The following IRAG2 variants were observed in gnomAD, a reference collection of about 807,000 sequenced individuals.
The protein encoded by IRAG2 is inositol 1,4,5-triphosphate receptor associated 2.
IRAG2 carries 45 observed loss-of-function variants against 69.9 expected under a neutral mutation model. That is an observed-to-expected ratio of 0.64 (90% CI 0.51 to 0.83). IRAG2 has a LOEUF of 0.83. Among genes scored for constraint, IRAG2 ranks in the 40% least tolerant of loss-of-function variants. The probability of loss-of-function intolerance (pLI) is 0.00; values close to 1 mark genes in which losing one functional copy is unlikely to be tolerated. For missense variants in IRAG2, 520 were observed against 587.0 expected (o/e 0.89, Z 1.18); for synonymous variants, 193 against 202.4 (o/e 0.95, Z 0.40).
chr12:24,998,564 C>T, the IRAG2 span, among the ~76,000 whole-genome samples: 1 of 152,130 alleles, frequency 6.6e-6, no homozygotes, highest in South Asian at 2.1e-4. Flanking sequence ...AGATGGGTTT[C>T]CTGGGAATGT....
At chr12:25,033,622 C>A (rs1944684964) in intron 12 of IRAG2, 2 of 349,068 alleles carry the variant, frequency 5.7e-6, no homozygotes, top group African/African-American at 4.2e-5. Context: ...GGTACCAATT[C>A]TTTTAAAAAC....
intron 2 of IRAG2, among the ~76,000 whole-genome samples, chr12:25,006,803 C>G (rs1944436504): frequency 6.6e-6 from 1 of 152,062 alleles, no homozygotes; most frequent in Non-Finnish European, 1.5e-5. Flanking sequence ...TACACTAAAC[C>G]TCAGCAACAC....
chr12:25,047,957 A>G (rs1944811064), upstream of IRAG2, among the ~76,000 whole-genome samples: 1 of 152,200 alleles, frequency 6.6e-6, no homozygotes, highest in Non-Finnish European at 1.5e-5. Flanking sequence ...AATGATTTAT[A>G]TTCCTTGGGT....
chr12:25,003,562 A>C (rs923615923), upstream of IRAG2, among the ~76,000 whole-genome samples: 1 of 152,114 alleles, frequency 6.6e-6, no homozygotes, highest in African/African-American at 2.4e-5. Flanking sequence ...TGTATTTCCA[A>C]ATTTCTGAAT....
intron 14 of IRAG2, among the ~76,000 whole-genome samples, chr12:25,096,187 A>G (rs1343140354): frequency 6.6e-6 from 1 of 152,204 alleles, no homozygotes; most frequent in African/African-American, 2.4e-5. Context: ...ATTATGATGC[A>G]ATTTACAGTC....
exon 11 of IRAG2, chr12:25,032,189 A>G: frequency 2.5e-6 from 1 of 399,032 alleles, no homozygotes; most frequent in Non-Finnish European, 4.4e-6. Flanking sequence ...TAGAATATGG[A>G]AGCATTATAG....
At chr12:25,074,394 C>T (rs1946534346) in intron 6 of IRAG2, among the ~76,000 whole-genome samples, 1 of 152,074 alleles carries the variant, frequency 6.6e-6, no homozygotes, top group African/African-American at 2.4e-5. Context: ...CAAATATATC[C>T]CCATGTTCTT....
intron 10 of IRAG2, among the ~76,000 whole-genome samples, chr12:25,085,349 G>C (rs1269011218): frequency 1.4e-5 from 2 of 143,066 alleles, no homozygotes; most frequent in African/African-American, 5.1e-5. Flanking sequence ...AGGTGGTATG[G>C]AATGGGAAGG....
In IRAG2 at chr12:25,042,305, T is replaced by C. The variant is rs141140453; in HGVS notation, c.2144+4168T>C. Among the ~76,000 whole-genome samples the C allele has an allele frequency of 1.1e-3, 161 of 152,266 alleles. 1 individual carries two copies. Among genetic ancestry groups the C allele is most frequent in the African/African-American group, 3.7e-3 (155 of 41,550 alleles). On this transcript the variant is annotated intron_variant, in intron 16 of 38. Transcript: ENST00000636465. ...AGTCTGAGAAAGATGCAGACTGGAA[T>C]AGAAATCAAGATTTATCATTCGAAC...
At chr12:25,019,595 C>T (rs115369932) in intron 6 of IRAG2, among the ~76,000 whole-genome samples, 3,992 of 152,270 alleles carry the variant, frequency 0.026, 175 homozygotes, top group African/African-American at 0.09. Context: ...TTCCACACTG[C>T]TCTGCTCCTC....
chr12:25,016,629 G>A (rs1944531082), intron 5 of IRAG2, among the ~76,000 whole-genome samples: 2 of 152,072 alleles, frequency 1.3e-5, no homozygotes, highest in African/African-American at 4.8e-5. Flanking sequence ...TGGGCATGGT[G>A]GTGCATGCCT....
At chr12:25,020,299 G>A (rs921121199) in intron 6 of IRAG2, among the ~76,000 whole-genome samples, 2 of 152,112 alleles carry the variant, frequency 1.3e-5, no homozygotes, top group Admixed American at 1.3e-4. Context: ...TATAGAATAT[G>A]TCATATAGAG....
intron 15 of IRAG2, chr12:25,037,908 T>G: frequency 2.5e-6 from 1 of 398,084 alleles, no homozygotes; most frequent in Non-Finnish European, 4.4e-6. Context: ...CTTTTTAGAT[T>G]GCCTCTGTCA....
chr12:25,022,758 T>A (rs1944591228), intron 7 of IRAG2, among the ~76,000 whole-genome samples: 1 of 152,222 alleles, frequency 6.6e-6, no homozygotes, highest in South Asian at 2.1e-4. Context: ...CATTCTATGG[T>A]ATATATGTAC....
At chr12:25,026,415 AG>A (rs1944622069) in intron 8 of IRAG2, among the ~76,000 whole-genome samples, 1 of 152,200 alleles carries the variant, frequency 6.6e-6, no homozygotes, top group African/African-American at 2.4e-5. Flanking sequence ...ATGATTGCCC[AG>A]GGAAGAACTG....
chr12:25,082,599 C>CAAAA (rs1555140820), intron 9 of IRAG2, among the ~76,000 whole-genome samples: 2 of 67,386 alleles, frequency 3.0e-5, no homozygotes, highest in African/African-American at 8.9e-5. Context: ...GACCCTGTCT[C>CAAAA]AAAAAAAAAA....
chr12:25,069,442 G>C lies in IRAG2; in HGVS notation c.24+11G>C, dbSNP rs767179674. The C allele has an allele frequency of 6.2e-7, 1 of 1,613,498 alleles. No individual in the cohort carries two copies. The highest frequency in any genetic ancestry group is 1.3e-5 in the African/African-American group (1 of 75,026). Reference sequence around the variant, plus strand: ...GACCCAAGTATGGAAGTGAGTGTTGGACTGGATTTTGGTTTCATTTTCAGT... The same window carrying C: ...GACCCAAGTATGGAAGTGAGTGTTGCACTGGATTTTGGTTTCATTTTCAGT... On this transcript the variant is annotated intron_variant, in intron 6 of 21. Coordinates refer to ENST00000556887, the MANE Select transcript of IRAG2 (RefSeq NM_001366544.2).
chr12:25,031,225 T>C (rs1944665161), intron 10 of IRAG2: 1 of 215,638 alleles, frequency 4.6e-6, no homozygotes. Context: ...ATGTCTTCAT[T>C]GCGGGTGTTC....
intron 14 of IRAG2, among the ~76,000 whole-genome samples, chr12:25,094,596 T>A (rs1948295906): frequency 6.6e-6 from 1 of 152,140 alleles, no homozygotes; most frequent in Non-Finnish European, 1.5e-5. Context: ...TTTCTATTTC[T>A]GCAAAGAAAA....
Sources: allele counts gnomAD v4.1 joint callset (sites outside exome capture counted in the v4.1 genomes callset), GRCh38; gene constraint gnomAD v4.1.1; transcripts MANE v1.5; gene names NCBI Gene and HGNC (gene_info 2026-07-23, HGNC 2026-07-21).